DCC: variants seen among roughly 807,000 people sequenced by gnomAD.
DCC encodes the protein DCC netrin 1 receptor, also known as netrin receptor DCC.
DCC carries 58 observed loss-of-function variants against 172.5 expected under a neutral mutation model. The ratio of observed to expected loss-of-function variants is 0.34; its 90% CI spans 0.27 to 0.42. The LOEUF (loss-of-function observed/expected upper bound fraction) is 0.42, where lower values mean the gene tolerates loss of function less well. DCC is among the 10% of genes least tolerant of loss of function. The pLI, the probability that DCC is intolerant of heterozygous loss-of-function variation, is 1.00. For synonymous variants in DCC, 709 were observed against 644.5 expected, an observed-to-expected ratio of 1.10 and a Z score of -1.52; for missense variants, 1,740 against 1,791.0, an observed-to-expected ratio of 0.97 and a Z score of 0.51.
intron 1 of DCC, among the ~76,000 whole-genome samples, chr18:52,391,020 T>G (rs72916980): frequency 0.098 from 14,848 of 152,084 alleles, 858 homozygotes; most frequent in South Asian, 0.16. Context: ...AGATTTTTTT[T>G]TGTGTGTGTA....
At chr18:52,383,952 T>A (rs1242134714) in intron 1 of DCC, among the ~76,000 whole-genome samples, 1 of 152,118 alleles carries the variant, frequency 6.6e-6, no homozygotes, top group African/African-American at 2.4e-5. Context: ...TAGCACTTCC[T>A]TTAAGAATTG....
At chr18:53,475,344 G>A (rs1408866235) in intron 25 of DCC, among the ~76,000 whole-genome samples, 1 of 152,238 alleles carries the variant, frequency 6.6e-6, no homozygotes, top group African/African-American at 2.4e-5. Flanking sequence ...TCCAGGGCAT[G>A]TCAGAAGTCT....
At chr18:52,863,497 A>T (rs1560519) in intron 2 of DCC, among the ~76,000 whole-genome samples, 146,387 of 151,808 alleles carry the variant, frequency 0.96, 70,808 homozygotes, top group Middle Eastern at 1. Flanking sequence ...TTTTAAGAAA[A>T]AAGCCAAAAG....
chr18:53,423,710 T>A (rs1205646667), intron 21 of DCC, among the ~76,000 whole-genome samples: 1 of 152,228 alleles, frequency 6.6e-6, no homozygotes, highest in Admixed American at 6.5e-5. Context: ...TTTCTTCTTA[T>A]ACTTTGCTAT....
At chr18:52,959,056 T>G (rs763592831) in intron 5 of DCC, among the ~76,000 whole-genome samples, 29 of 152,236 alleles carry the variant, frequency 1.9e-4, no homozygotes, top group Non-Finnish European at 3.4e-4. Context: ...TCTTCTAATG[T>G]GGCCCAGGGA....
At chr18:53,142,914 C>G (rs942118802) in intron 7 of DCC, among the ~76,000 whole-genome samples, 2 of 152,040 alleles carry the variant, frequency 1.3e-5, no homozygotes, top group African/African-American at 4.8e-5. Context: ...TTTTCTTGAC[C>G]TTGACTGTCT....
chr18:53,228,851 ACT>A (rs1416716006), intron 12 of DCC, among the ~76,000 whole-genome samples: 1 of 151,246 alleles, frequency 6.6e-6, no homozygotes, highest in Non-Finnish European at 1.5e-5. Context: ...CCTAACACAC[ACT>A]CTTCTAGTGC....
At chr18:53,275,171 C>T (rs1046869345) in intron 12 of DCC, among the ~76,000 whole-genome samples, 1 of 152,046 alleles carries the variant, frequency 6.6e-6, no homozygotes, top group African/African-American at 2.4e-5. Flanking sequence ...ATGTGATTGC[C>T]TCCCATCTTA....
intron 5 of DCC, among the ~76,000 whole-genome samples, chr18:52,940,444 G>C (rs140927256): frequency 2.8e-4 from 43 of 152,124 alleles, no homozygotes; most frequent in African/African-American, 8.9e-4. Context: ...CATGAAATTG[G>C]ACTAAGCCCA....
intron 5 of DCC, among the ~76,000 whole-genome samples, chr18:52,963,652 C>T (rs1037566133): frequency 4.6e-5 from 7 of 152,010 alleles, no homozygotes; most frequent in African/African-American, 1.7e-4. Context: ...TATGGAAATG[C>T]ACAGGGAAAA....
chr18:53,271,718 T>G (rs181025767), intron 12 of DCC, among the ~76,000 whole-genome samples: 172 of 152,198 alleles, frequency 1.1e-3, no homozygotes, highest in African/African-American at 3.5e-3. Flanking sequence ...TTCTGTATTT[T>G]GATGATTAGG....
chr18:53,066,367 A>G lies in DCC; in HGVS notation c.1261+201A>G, dbSNP rs1396653719. Among the ~76,000 whole-genome samples, 67 of 57,440 alleles carry G rather than the reference A, an allele frequency of 1.2e-3. 2 individuals carry two copies. The highest frequency in any genetic ancestry group is 2.7e-3 in the African/African-American group (19 of 6,940). 37.7% of individuals were successfully genotyped at this position (57,440 alleles called of 152,430 possible). On this transcript the variant is annotated intron_variant, in intron 7 of 28. Transcript: ENST00000442544. ...TGTACATGTGTGTATATATATATAT[A>G]TATATATATATATATATATATATAT... is the stretch of plus-strand genomic sequence containing the variant.
At chr18:52,992,096 T>C (rs1439031290) in intron 5 of DCC, among the ~76,000 whole-genome samples, 1 of 152,198 alleles carries the variant, frequency 6.6e-6, no homozygotes, top group Non-Finnish European at 1.5e-5. Flanking sequence ...ACCAACTGAC[T>C]TGCCTAAGTG....
chr18:53,529,689 T>A (rs1598855337), intron 28 of DCC, among the ~76,000 whole-genome samples: 1 of 152,158 alleles, frequency 6.6e-6, no homozygotes, highest in Non-Finnish European at 1.5e-5. Context: ...CCCATCTGGC[T>A]AACTATCAAA....
At chr18:52,516,023 G>A (rs1325213044) in intron 1 of DCC, among the ~76,000 whole-genome samples, 1 of 150,890 alleles carries the variant, frequency 6.6e-6, no homozygotes. Flanking sequence ...TTTAGTCATT[G>A]GGGAAATATG....
At chr18:53,026,384 G>A (rs1284142556) in intron 5 of DCC, among the ~76,000 whole-genome samples, 3 of 151,894 alleles carry the variant, frequency 2.0e-5, no homozygotes, top group African/African-American at 7.3e-5. Flanking sequence ...ATGTTATAGA[G>A]CATTGTCAAC....
intron 22 of DCC, among the ~76,000 whole-genome samples, chr18:53,441,768 T>C (rs1912290699): frequency 6.6e-6 from 1 of 152,216 alleles, no homozygotes; most frequent in African/African-American, 2.4e-5. Context: ...CTTCCACCAC[T>C]GACCCCTCTC....
At chr18:53,504,133 G>A (rs2046139873) in intron 27 of DCC, among the ~76,000 whole-genome samples, 1 of 152,190 alleles carries the variant, frequency 6.6e-6, no homozygotes, top group Non-Finnish European at 1.5e-5. Context: ...TATTCCTGCT[G>A]TAACCTGATC....
chr18:53,076,746 G>C (rs1438140735), intron 7 of DCC, among the ~76,000 whole-genome samples: 1 of 152,152 alleles, frequency 6.6e-6, no homozygotes, highest in Non-Finnish European at 1.5e-5. Context: ...CTTTTCAGAA[G>C]AGAAGTCATC....
Sources: gnomAD v4.1 joint callset for allele counts (sites outside exome capture counted in the v4.1 genomes callset) on GRCh38, gnomAD v4.1.1 for gene constraint, MANE v1.5 for transcripts, NCBI Gene and HGNC (gene_info 2026-07-23, HGNC 2026-07-21) for gene names.